Variants in WWOX observed in about 807,000 individuals in gnomAD.
WWOX encodes WW domain-containing oxidoreductase.
In WWOX, 69 loss-of-function variants were observed where a neutral mutation model predicts 46.2. The observed-to-expected ratio is 1.49, with a 90% confidence interval of 1.23 to 1.82. The LOEUF (loss-of-function observed/expected upper bound fraction) is 1.82. WWOX is among the 40% of genes most tolerant of loss of function. The pLI, the probability that WWOX is intolerant of heterozygous loss-of-function variation, is 0.00. For missense variants in WWOX, 919 were observed against 542.6 expected (o/e 1.69, Z -6.89); for synonymous variants, 359 against 202.6 (o/e 1.77, Z -6.56).
At chr16:79,072,363 G>T (rs550701869) in intron 8 of WWOX, among the ~76,000 whole-genome samples, 1 of 152,140 alleles carries the variant, frequency 6.6e-6, no homozygotes, top group South Asian at 2.1e-4. Flanking sequence ...CACATTTCCT[G>T]CAAAGTTGCA....
chr16:78,167,861 A>T (rs2035023926), intron 5 of WWOX: 1 of 152,086 alleles, frequency 6.6e-6, no homozygotes, highest in Non-Finnish European at 1.5e-5. Context: ...ACTTCCCTTC[A>T]GGTCCTTCCT....
At chr16:78,794,434 T>G (rs1047275570) in intron 8 of WWOX, among the ~76,000 whole-genome samples, 14 of 152,244 alleles carry the variant, frequency 9.2e-5, no homozygotes, top group Admixed American at 8.5e-4. Context: ...TTAGATTATT[T>G]TGTCATAAAA....
In WWOX at chr16:78,382,648, C is replaced by G. The variant is rs190969148; in HGVS notation, c.517-4212C>G. On this transcript the variant is annotated intron_variant, in intron 5 of 8. Coordinates refer to ENST00000566780, the MANE Select transcript of WWOX (RefSeq NM_016373.4). ...AGAGCAGGCTCTGACTGAACGAGGC[C>G]TGAACTTTTCATGTTCTAGATGGCA... is the stretch of plus-strand genomic sequence containing the variant. Among the ~76,000 whole-genome samples the G allele has an allele frequency of 5.3e-5, 8 of 152,234 alleles. No individual in the cohort carries two copies. The East Asian group carries it at 1.4e-3, about 26-fold the overall frequency.
At chr16:78,547,473 T>C (rs1168537269) in intron 8 of WWOX, among the ~76,000 whole-genome samples, 3 of 152,204 alleles carry the variant, frequency 2.0e-5, no homozygotes, top group African/African-American at 7.2e-5. Flanking sequence ...TAGTGTTGAC[T>C]GTGCTCTAGA....
At chr16:79,201,694 T>C (rs576924478) in intron 8 of WWOX, among the ~76,000 whole-genome samples, 7 of 152,190 alleles carry the variant, frequency 4.6e-5, no homozygotes, top group South Asian at 2.1e-4. Context: ...CTTCCTCTCA[T>C]TGAAGAGTGA....
At chr16:79,042,233 G>T (rs1012715743) in intron 8 of WWOX, among the ~76,000 whole-genome samples, 1 of 152,096 alleles carries the variant, frequency 6.6e-6, no homozygotes, top group African/African-American at 2.4e-5. Context: ...CAAAGCCCAC[G>T]CTCTCTTACA....
At chr16:78,338,237 G>A (rs2080937503) in intron 5 of WWOX, among the ~76,000 whole-genome samples, 2 of 120,582 alleles carry the variant, frequency 1.7e-5, no homozygotes, top group South Asian at 5.0e-4. Context: ...ATCGTATTCA[G>A]CAACCAAAAT....
chr16:78,482,233 T>C (rs556694448), intron 8 of WWOX, among the ~76,000 whole-genome samples: 5 of 152,152 alleles, frequency 3.3e-5, no homozygotes, highest in Admixed American at 6.5e-5. Context: ...AATAACTCCA[T>C]AATTTTTTTT....
intron 8 of WWOX, among the ~76,000 whole-genome samples, chr16:79,126,972 G>A (rs1003590596): frequency 6.6e-6 from 1 of 151,992 alleles, no homozygotes; most frequent in Non-Finnish European, 1.5e-5. Context: ...CAGAAAATAG[G>A]TGCCTGGCTT....
At chr16:78,571,456 G>A (rs971048880) in intron 8 of WWOX, among the ~76,000 whole-genome samples, 2 of 152,122 alleles carry the variant, frequency 1.3e-5, no homozygotes, top group African/African-American at 4.8e-5. Context: ...GTTTTTGTGG[G>A]CATAGGTCTT....
rs147226735 is a variant in WWOX, at chr16:78,359,310, T to G, written c.517-27550T>G. Among the ~76,000 whole-genome samples the G allele has an allele frequency of 3.7e-3, 570 of 152,342 alleles. 3 individuals are homozygous for G. Among genetic ancestry groups the G allele is most frequent in the South Asian group, 6.8e-3 (33 of 4,832 alleles). On this transcript the variant is annotated intron_variant, in intron 5 of 8. Transcript: ENST00000566780. ...TTAAATAAGTTTTGAACAAAAAGTT[T>G]TAGCATTTTACATAAAAACCTCTAA...
intron 5 of WWOX, among the ~76,000 whole-genome samples, chr16:78,382,585 C>A (rs1239408056): frequency 6.6e-6 from 1 of 152,142 alleles, no homozygotes. Flanking sequence ...TCTTACTGAC[C>A]ACTCTGACGT....
At chr16:78,749,698 A>C (rs1239694478) in intron 8 of WWOX, among the ~76,000 whole-genome samples, 1 of 152,196 alleles carries the variant, frequency 6.6e-6, no homozygotes, top group East Asian at 1.9e-4. Flanking sequence ...GGTGTCATTT[A>C]ATATATATCT....
At chr16:78,311,157 G>T (rs934438315) in intron 5 of WWOX, among the ~76,000 whole-genome samples, 5 of 152,144 alleles carry the variant, frequency 3.3e-5, no homozygotes, top group African/African-American at 1.2e-4. Flanking sequence ...TGGGTGAAGT[G>T]TGAGCAATTT....
At position 78,102,847 on chromosome 16, in the gene WWOX, G is replaced by C. The variant is rs188377323; in HGVS notation, c.107+2962G>C. On this transcript the variant is annotated intron_variant, in intron 1 of 8. Coordinates refer to ENST00000566780, the MANE Select transcript of WWOX (RefSeq NM_016373.4). ...ATGAGCCCCTGTGGGATGAGTAAAT[G>C]AATCACCTTGGGAGGGTCAGCCGCA... is the stretch of plus-strand genomic sequence containing the variant. 1.2e-4 allele frequency among the ~76,000 whole-genome samples: 18 copies of C among 152,218 alleles called. 1 individual carries two copies. The East Asian group carries it at 1.9e-3, about 16-fold the overall frequency.
chr16:79,069,558 G>GT (rs34594978), intron 8 of WWOX, among the ~76,000 whole-genome samples: 19,435 of 143,306 alleles, frequency 0.14, 1,913 homozygotes, highest in African/African-American at 0.29. Flanking sequence ...TTATTGGTAG[G>GT]TTTTTTTTTT....
chr16:78,726,087 T>TCCTCCCTCCCTCCCTCCCTCCCTCTC (rs2048826182), intron 8 of WWOX, among the ~76,000 whole-genome samples: 6 of 113,234 alleles, frequency 5.3e-5, no homozygotes, highest in South Asian at 3.8e-4. Flanking sequence ...CCCTCCCTCT[T>TCCTCCCTCCCTCCCTCCCTCCCTCTC]CCTCCCTCCC....
At chr16:78,802,916 A>AC (rs2050928653) in intron 8 of WWOX, among the ~76,000 whole-genome samples, 2 of 66,526 alleles carry the variant, frequency 3.0e-5, no homozygotes, top group African/African-American at 1.2e-4. Context: ...ACTTCATCTG[A>AC]AAAAAAAAAA....
intron 8 of WWOX, among the ~76,000 whole-genome samples, chr16:78,547,127 GAAAA>G (rs199726097): frequency 2.3e-5 from 2 of 87,502 alleles, no homozygotes; most frequent in African/African-American, 1.4e-4. Context: ...CCTTGTCTCA[GAAAA>G]AAAAAAAAAA....
Sources: allele counts gnomAD v4.1 joint callset (sites outside exome capture counted in the v4.1 genomes callset), GRCh38; gene constraint gnomAD v4.1.1; transcripts MANE v1.5; gene names NCBI Gene and HGNC (gene_info 2026-07-23, HGNC 2026-07-21).